The following GRIN2D variants were observed in gnomAD, a reference collection of about 807,000 sequenced individuals.
The protein encoded by GRIN2D is glutamate ionotropic receptor NMDA type subunit 2D.
A neutral mutation model predicts 103.2 loss-of-function variants in GRIN2D; 37 were observed. The ratio of observed to expected loss-of-function variants is 0.36; its 90% CI spans 0.28 to 0.47. GRIN2D has a LOEUF of 0.47. Among genes scored for constraint, GRIN2D ranks in the 20% least tolerant of loss-of-function variants. The pLI, the probability that GRIN2D is intolerant of heterozygous loss-of-function variation, is 1.00. For missense variants in GRIN2D, 1,557 were observed against 1,910.6 expected (o/e 0.81, Z 3.45); for synonymous variants, 845 against 885.6 (o/e 0.95, Z 0.81).
rs919979257 is a variant in GRIN2D, at chr19:48,444,079, C to G, written c.*142C>G. ...CCCGCCTGGAGCAGCGTCCTGCGCC[C>G]CCTGGTTCTGGAGGAACCGCAAGCC... On this transcript the variant is annotated 3_prime_UTR_variant, in exon 14 of 14. Transcript: ENST00000263269. This position sits in a 1 kb window ranked among gnomAD's most constrained non-coding sequence, Gnocchi z 5.5. 29 of 501,276 alleles carry G rather than the reference C, an allele frequency of 5.8e-5. No individual in the cohort carries two copies. Among genetic ancestry groups the G allele is most frequent in the Middle Eastern group, 1.1e-3 (2 of 1,784 alleles). The allele number at this position is 501,276 out of a possible 1,614,324, so 31.1% of individuals were successfully genotyped here.
chr19:48,421,890 A>G lies in GRIN2D; in HGVS notation c.2197A>G (p.Met733Val). The change falls in exon 11 of 14, where the codon ATG (methionine) becomes GTG (valine). Residue 733 changes from methionine (M) to valine (V), a missense_variant. This residue lies in a region of GRIN2D where 138 missense variants were observed against 270.2 expected (regional missense o/e 0.51). Coordinates refer to ENST00000263269, the MANE Select transcript of GRIN2D (RefSeq NM_000836.4). This position sits in a 1 kb window ranked among gnomAD's most constrained non-coding sequence, Gnocchi z 4.8. ...RSNYPDMHSY[M>V]VRYNQPRVEE... The stretch of plus-strand genomic sequence containing the variant: ...CAACTATCCCGACATGCACAGCTAC[A>G]TGGTGCGCTACAACCAGCCCCGCGT... 1.9e-6 allele frequency: 3 copies of G among 1,614,054 alleles called. No individual in the cohort carries two copies. The highest frequency in any genetic ancestry group is 2.5e-6 in the Non-Finnish European group (3 of 1,179,978).
Position 48,401,661 on chromosome 19 carries a change from C to T in GRIN2D, c.465+2804C>T, listed in dbSNP as rs533935156. Among the ~76,000 whole-genome samples the T allele has an allele frequency of 1.1e-3, 173 of 152,294 alleles. 1 individual carries two copies. Among genetic ancestry groups the T allele is most frequent in the African/African-American group, 4.1e-3 (169 of 41,554 alleles). ...CAACGGGGGCCAGTTCACGCAGGGCCTTGGGGCCACGGTGAGGACTTTGGC... is the reference window on the plus strand; with the variant it reads ...CAACGGGGGCCAGTTCACGCAGGGCTTTGGGGCCACGGTGAGGACTTTGGC... On this transcript the variant is annotated intron_variant, in intron 3 of 13. Transcript: ENST00000263269.
intron 3 of GRIN2D, among the ~76,000 whole-genome samples, chr19:48,401,195 G>A (rs1970707054): frequency 6.6e-6 from 1 of 151,988 alleles, no homozygotes; most frequent in Non-Finnish European, 1.5e-5. Flanking sequence ...ATTACAGGAA[G>A]ATTTATTGAG....
chr19:48,413,829 G>A (rs1970907455), intron 4 of GRIN2D, among the ~76,000 whole-genome samples, 162 bp from the exon 5 acceptor site: 2 of 152,108 alleles, frequency 1.3e-5, no homozygotes, highest in Admixed American at 1.3e-4. Context: ...AGGGTGCTGA[G>A]CAGGGAAGGG....
In GRIN2D at chr19:48,404,788, G is replaced by T; in HGVS notation, c.520G>T (p.Val174Phe). The T allele has an allele frequency of 6.2e-7, 1 of 1,614,018 alleles. No individual in the cohort carries two copies. The highest frequency in any genetic ancestry group is 8.5e-7 in the Non-Finnish European group (1 of 1,179,930). ...LGSSTEQQLQ[V>F]IFEVLEEYDW... ...CTCTTCCACCGAGCAACAGCTTCAG[G>T]TCATCTTTGAGGTGCTGGAGGAGTA... is the stretch of plus-strand genomic sequence containing the variant. The change falls in exon 4 of 14, where the codon GTC becomes TTC. Residue 174 changes from valine to phenylalanine, a missense_variant. Coordinates refer to ENST00000263269, the MANE Select transcript of GRIN2D (RefSeq NM_000836.4).
At chr19:48,418,175 A>C (rs1970971589) in intron 8 of GRIN2D, among the ~76,000 whole-genome samples, 1 of 151,508 alleles carries the variant, frequency 6.6e-6, no homozygotes, top group African/African-American at 2.4e-5. Flanking sequence ...TTGGGACTAC[A>C]GGCGCCCACC....
rs749701862 is a variant in GRIN2D, at chr19:48,443,264, CGGACTCGGA to C, written c.3349_3357del (p.Asp1117_Glu1119del). 3.3e-6 allele frequency: 5 copies of C among 1,524,682 alleles called. No homozygotes were observed. Among genetic ancestry groups the C allele is most frequent in the Non-Finnish European group, 4.4e-6 (5 of 1,144,884 alleles). The allele number at this position is 1,524,682 out of a possible 1,614,324, so 94.4% of individuals were successfully genotyped here. A position where few individuals can be genotyped will look rare whatever the true frequency, so the allele number is the denominator to read the frequency against. On this transcript the variant is annotated inframe_deletion, in exon 14 of 14. Transcript: ENST00000263269. This position sits in a 1 kb window ranked among gnomAD's most constrained non-coding sequence, Gnocchi z 8.9. ...TACCTCGATCTCGAGCCGTCGCCGT[CGGACTCGGA>C]GGACTCGGAGAGCCTGGGCGGCGCG...
At chr19:48,440,468 CT>C (rs893837335) in intron 11 of GRIN2D, among the ~76,000 whole-genome samples, 2 of 152,096 alleles carry the variant, frequency 1.3e-5, no homozygotes, top group African/African-American at 4.8e-5. Context: ...TGATGTGTGC[CT>C]TTAGTCCCAG....
At chr19:48,440,678 C>CCCCTTCTAAG (rs71181698) in intron 11 of GRIN2D, among the ~76,000 whole-genome samples, 1 of 151,592 alleles carries the variant, frequency 6.6e-6, no homozygotes, top group Non-Finnish European at 1.5e-5. Flanking sequence ...TTATTTTTTT[C>CCCCTTCTAAG]CCTCAATCTT....
chr19:48,437,260 A>C (rs1971243514), intron 11 of GRIN2D, among the ~76,000 whole-genome samples: 1 of 152,092 alleles, frequency 6.6e-6, no homozygotes, highest in African/African-American at 2.4e-5. Flanking sequence ...AGCTGAGATG[A>C]CAGGCATGCA....
At chr19:48,411,802 G>GA (rs892526365) in intron 4 of GRIN2D, among the ~76,000 whole-genome samples, 32 of 144,590 alleles carry the variant, frequency 2.2e-4, no homozygotes, top group South Asian at 4.4e-4. Flanking sequence ...TGTTGATAGA[G>GA]AAAAAAAAAA....
rs932530833 is a variant in GRIN2D at position 48,423,153 on chromosome 19, G to A, written c.2252+1208G>A. ...TTGAATGCAGGAGGCGGAGGTTGCA[G>A]TGAGCCGAGACTGTGCCATTGCACT... On this transcript the variant is annotated intron_variant, in intron 11 of 13. Transcript: ENST00000263269. Among the ~76,000 whole-genome samples the A allele has an allele frequency of 4.6e-5, 7 of 152,274 alleles. 1 individual carries two copies. The South Asian group carries it at 1.4e-3, about 32-fold the overall frequency.
At chr19:48,418,655 C>G (rs914354304) in intron 8 of GRIN2D, among the ~76,000 whole-genome samples, 1 of 151,698 alleles carries the variant, frequency 6.6e-6, no homozygotes, top group Non-Finnish European at 1.5e-5. Flanking sequence ...CTGTGGCCAG[C>G]GAGGGAGAAG....
chr19:48,418,942 T>G (rs1970979979), intron 8 of GRIN2D, among the ~76,000 whole-genome samples: 1 of 152,000 alleles, frequency 6.6e-6, no homozygotes, highest in Non-Finnish European at 1.5e-5. Flanking sequence ...TAAGACTATC[T>G]TGGAGATGGA....
At position 48,414,895 on chromosome 19, in the gene GRIN2D, C is replaced by A; in HGVS notation, c.1444C>A (p.Arg482Ser). 1 of 1,614,138 alleles carries A rather than the reference C, an allele frequency of 6.2e-7. No homozygotes were observed. Among genetic ancestry groups the A allele is most frequent in the Non-Finnish European group, 8.5e-7 (1 of 1,180,028 alleles). ...ACCGGATGCCCCCCGCCCGGAAAAG[C>A]GCTGCTGCAAGGGTTTCTGCATCGA... ...PPPDAPRPEK[R>S]CCKGFCIDIL... The change falls in exon 7 of 14, where the codon CGC (arginine) becomes AGC (serine). Residue 482 changes from arginine to serine, a missense_variant. Physicochemically the swap from Arg to Ser is moderately radical, Grantham distance 110. This residue lies in a region of GRIN2D where 197 missense variants were observed against 334.1 expected (regional missense o/e 0.59). Transcript: ENST00000263269. The surrounding 1 kb of genome is among the most constrained non-coding windows in gnomAD (Gnocchi z 4.6).
Position 48,419,669 on chromosome 19 carries a change from A to AC in GRIN2D, c.1951dup (p.Arg651ProfsTer45). On this transcript the variant is annotated frameshift_variant, in exon 10 of 14. Coordinates refer to ENST00000263269, the MANE Select transcript of GRIN2D (RefSeq NM_000836.4). LOFTEE classifies it high-confidence loss of function. ...TTCAATAATTCGGTGCCCGTGGAGAACCCCCGGGGAACCACCAGCAAAATC... is the reference window on the plus strand; with the variant it reads ...TTCAATAATTCGGTGCCCGTGGAGAACCCCCCGGGGAACCACCAGCAAAATC... 1 of 1,611,406 alleles carries AC rather than the reference A, an allele frequency of 6.2e-7. No homozygotes were observed. The highest frequency in any genetic ancestry group is 8.5e-7 in the Non-Finnish European group (1 of 1,179,100).
chr19:48,435,296 G>GTTTTTT (rs766061537), intron 11 of GRIN2D, among the ~76,000 whole-genome samples: 4 of 121,624 alleles, frequency 3.3e-5, no homozygotes, highest in African/African-American at 6.4e-5. Flanking sequence ...TCAGCCACTT[G>GTTTTTT]TTTTTTTTTT....
intron 11 of GRIN2D, among the ~76,000 whole-genome samples, chr19:48,431,051 T>G (rs1011997748): frequency 3.3e-5 from 5 of 152,118 alleles, no homozygotes; most frequent in Admixed American, 3.3e-4. Flanking sequence ...ATTCCTGGCC[T>G]CAAGTAATCT....
intron 11 of GRIN2D, among the ~76,000 whole-genome samples, chr19:48,429,147 T>C (rs1396642039): frequency 6.6e-6 from 1 of 152,214 alleles, no homozygotes; most frequent in African/African-American, 2.4e-5. Context: ...CTTTTTCTTT[T>C]TTTTCTAATT....
Sources: allele counts gnomAD v4.1 joint callset (sites outside exome capture counted in the v4.1 genomes callset), GRCh38; gene constraint gnomAD v4.1.1; regional missense constraint gnomAD v4.1.1; non-coding constraint Gnocchi (gnomAD v3.1); transcripts MANE v1.5; gene names NCBI Gene and HGNC (gene_info 2026-07-23, HGNC 2026-07-21).